ANKRD30BL: variants seen among roughly 807,000 people sequenced by gnomAD.
The protein encoded by ANKRD30BL is putative ankyrin repeat domain-containing protein 30B-like.
Under a neutral mutation model 18.4 loss-of-function variants are expected in ANKRD30BL, and 20 were observed. The ratio of observed to expected loss-of-function variants is 1.09; its 90% CI spans 0.77 to 1.58. ANKRD30BL has a LOEUF of 1.58. Among genes scored for constraint, ANKRD30BL ranks in the 40% most tolerant of loss-of-function variants. The pLI is 0.00. For missense variants in ANKRD30BL, 224 were observed against 268.6 expected (o/e 0.83, Z 1.16); for synonymous variants, 72 against 100.9 (o/e 0.71, Z 1.72).
intron 1 of ANKRD30BL, among the ~76,000 whole-genome samples, chr2:132,160,909 C>T (rs1573806083): frequency 6.7e-6 from 1 of 150,070 alleles, no homozygotes; most frequent in Non-Finnish European, 1.5e-5. Context: ...GAACTTGCAT[C>T]TTCAGAAAAA....
chr2:132,221,857 G>A (rs1419629574), intron 1 of ANKRD30BL, among the ~76,000 whole-genome samples: 5 of 124,370 alleles, frequency 4.0e-5, no homozygotes, highest in Admixed American at 7.2e-5. Context: ...CGCCCCGTCC[G>A]GGAGGGGGGA....
chr2:132,178,661 G>A (rs1435973578), intron 1 of ANKRD30BL, among the ~76,000 whole-genome samples: 1 of 151,868 alleles, frequency 6.6e-6, no homozygotes, highest in Non-Finnish European at 1.5e-5. Context: ...GACAAAGTGA[G>A]ATATTTATGC....
intron 1 of ANKRD30BL, among the ~76,000 whole-genome samples, chr2:132,205,132 A>C (rs996405076): frequency 1.1e-4 from 16 of 152,288 alleles, no homozygotes; most frequent in African/African-American, 3.9e-4. Flanking sequence ...TTACATACAC[A>C]TTCTGAAGTA....
rs1203577013 is a variant in ANKRD30BL at position 132,161,407 on chromosome 2, C to T, written c.218+81G>A. On this transcript the variant is annotated intron_variant, in intron 1 of 5. Coordinates refer to ENST00000409867, the MANE Select transcript of ANKRD30BL (RefSeq NM_001358416.1). ...CACCTGCTCCCCTCGTCCCCAGGACCCCCAGGCCCCACTCTGAAGGGGCGA... is the reference window on the plus strand; with the variant it reads ...CACCTGCTCCCCTCGTCCCCAGGACTCCCAGGCCCCACTCTGAAGGGGCGA... 4.5e-6 allele frequency: 6 copies of T among 1,323,156 alleles called. No homozygotes were observed. The East Asian group carries it at 1.5e-4, about 34-fold the overall frequency. 82.0% of individuals were successfully genotyped at this position (1,323,156 alleles called of 1,614,324 possible). A position where few individuals can be genotyped will look rare whatever the true frequency, so the allele number is the denominator to read the frequency against.
chr2:132,154,796 T>C, intron 3 of ANKRD30BL, 28 bp from the exon 4 acceptor site: 2 of 672,700 alleles, frequency 3.0e-6, no homozygotes, highest in Non-Finnish European at 2.7e-6. Context: ...CAATTTATAA[T>C]TCATGAAATT....
At chr2:132,167,219 G>T (rs1688201291) in intron 1 of ANKRD30BL, among the ~76,000 whole-genome samples, 1 of 151,440 alleles carries the variant, frequency 6.6e-6, no homozygotes, top group Non-Finnish European at 1.5e-5. Flanking sequence ...AGCTAGAGAA[G>T]AATGTGTATT....
At chr2:132,160,514 C>A (rs1477187634) in intron 1 of ANKRD30BL, among the ~76,000 whole-genome samples, 1 of 151,006 alleles carries the variant, frequency 6.6e-6, no homozygotes, top group African/African-American at 2.4e-5. Context: ...TCTCGGCTCA[C>A]TCCAAGCTCT....
chr2:132,172,114 A>G (rs1688293534), intron 1 of ANKRD30BL, among the ~76,000 whole-genome samples: 1 of 152,168 alleles, frequency 6.6e-6, no homozygotes, highest in Non-Finnish European at 1.5e-5. Context: ...TTGTTTATTC[A>G]TTCATTTATT....
intron 1 of ANKRD30BL, among the ~76,000 whole-genome samples, chr2:132,209,170 GA>G (rs1306133489): frequency 6.6e-6 from 1 of 151,770 alleles, no homozygotes; most frequent in Non-Finnish European, 1.5e-5. Flanking sequence ...GGTGGAAAAG[GA>G]AATATCTTCA....
chr2:132,237,034 C>G (rs1246877725), intron 1 of ANKRD30BL, among the ~76,000 whole-genome samples: 1 of 151,386 alleles, frequency 6.6e-6, no homozygotes, highest in Admixed American at 6.6e-5. Flanking sequence ...AACAAAAAAC[C>G]AAACACTGCA....
intron 1 of ANKRD30BL, among the ~76,000 whole-genome samples, chr2:132,167,532 G>T (rs1398856718): frequency 1.3e-5 from 2 of 151,812 alleles, no homozygotes; most frequent in Non-Finnish European, 2.9e-5. Context: ...CATGTTGGTC[G>T]GGCTAGCCTC....
At chr2:132,254,885 G>A (rs77758406) in intron 1 of ANKRD30BL, among the ~76,000 whole-genome samples, 3 of 151,798 alleles carry the variant, frequency 2.0e-5, no homozygotes, top group African/African-American at 7.3e-5. Flanking sequence ...ACCACCACCC[G>A]TGGAATCGAG....
intron 1 of ANKRD30BL, among the ~76,000 whole-genome samples, chr2:132,254,825 T>C (rs574772722): frequency 1.1e-4 from 16 of 152,284 alleles, no homozygotes; most frequent in African/African-American, 3.6e-4. Context: ...CAGAGTCTCG[T>C]TCGTTATTGG....
At chr2:132,238,850 C>T (rs1052984787) in intron 1 of ANKRD30BL, among the ~76,000 whole-genome samples, 16 of 152,116 alleles carry the variant, frequency 1.1e-4, no homozygotes, top group African/African-American at 3.6e-4. Flanking sequence ...GCATTCATCT[C>T]GCAGTTGAAC....
At chr2:132,255,932 G>T (rs796207147) in intron 1 of ANKRD30BL, among the ~76,000 whole-genome samples, 1 of 152,110 alleles carries the variant, frequency 6.6e-6, no homozygotes, top group Non-Finnish European at 1.5e-5. Flanking sequence ...CCGACCCCCC[G>T]GCCGGGGACG....
intron 1 of ANKRD30BL, 70 bp downstream of exon 1, chr2:132,161,418 A>T (rs1688053594): frequency 7.4e-7 from 1 of 1,359,560 alleles, no homozygotes; most frequent in Non-Finnish European, 1.0e-6. Flanking sequence ...CCCAGGCCCC[A>T]CTCTGAAGGG....
intron 1 of ANKRD30BL, among the ~76,000 whole-genome samples, chr2:132,198,272 C>CT (rs755086599): frequency 2.2e-3 from 79 of 35,478 alleles, no homozygotes; most frequent in African/African-American, 7.8e-3. Flanking sequence ...TCTTTCTTTT[C>CT]TTTCTTTCTT....
chr2:132,153,604 TG>T (rs1573798866), intron 4 of ANKRD30BL: 1 of 808,892 alleles, frequency 1.2e-6, no homozygotes, highest in East Asian at 5.1e-5. Flanking sequence ...TCATTCCACA[TG>T]TAGCTTCAGC....
chr2:132,200,257 C>G (rs1401693271), intron 1 of ANKRD30BL, among the ~76,000 whole-genome samples: 3 of 151,456 alleles, frequency 2.0e-5, no homozygotes, highest in Admixed American at 6.6e-5. Context: ...CCTCTCTCAC[C>G]ACTCCTATTC....
Sources: gnomAD v4.1 joint callset for allele counts (sites outside exome capture counted in the v4.1 genomes callset) on GRCh38, gnomAD v4.1.1 for gene constraint, MANE v1.5 for transcripts, NCBI Gene and HGNC (gene_info 2026-07-23, HGNC 2026-07-21) for gene names.